CHMP4C: variants seen among roughly 807,000 people sequenced by gnomAD.
CHMP4C encodes charged multivesicular body protein 4C.
A neutral mutation model predicts 29.0 loss-of-function variants in CHMP4C; 28 were observed. That is an observed-to-expected ratio of 0.97 (90% confidence interval 0.72 to 1.32). CHMP4C has a LOEUF of 1.32. Among genes scored for constraint, CHMP4C ranks in the 40% most tolerant of loss-of-function variants. CHMP4C has a pLI of 0.00. For missense variants in CHMP4C, 291 were observed against 281.0 expected, an observed-to-expected ratio of 1.04 and a Z score of -0.25; for synonymous variants, 106 against 102.4, an observed-to-expected ratio of 1.04 and a Z score of -0.21.
intron 1 of CHMP4C, among the ~76,000 whole-genome samples, chr8:81,740,209 G>C (rs952775209): frequency 6.6e-6 from 1 of 152,184 alleles, no homozygotes; most frequent in African/African-American, 2.4e-5. Context: ...TGTTTCATCC[G>C]CTGAGGCGGC....
chr8:81,755,285 G>C (rs1013910969), intron 2 of CHMP4C, 85 bp from the exon 3 acceptor site: 8 of 587,242 alleles, frequency 1.4e-5, no homozygotes, highest in Non-Finnish European at 2.0e-5. Flanking sequence ...TATATTAAAT[G>C]AACTGACTTT....
intron 1 of CHMP4C, among the ~76,000 whole-genome samples, chr8:81,750,621 A>G (rs1042033796): frequency 1.3e-5 from 2 of 152,044 alleles, no homozygotes; most frequent in African/African-American, 2.4e-5. Context: ...AAAAATATAT[A>G]GGACAAAGCC....
At chr8:81,753,505 A>G (rs1808934983) in intron 2 of CHMP4C, among the ~76,000 whole-genome samples, 1 of 152,176 alleles carries the variant, frequency 6.6e-6, no homozygotes, top group Admixed American at 6.6e-5. Flanking sequence ...AAATATTTTA[A>G]TTCTACAGTT....
At chr8:81,750,123 A>G (rs893494224) in intron 1 of CHMP4C, among the ~76,000 whole-genome samples, 4 of 152,320 alleles carry the variant, frequency 2.6e-5, no homozygotes, top group Non-Finnish European at 5.9e-5. Context: ...GAGATTAAAG[A>G]GGCTATTACA....
At chr8:81,749,647 A>G (rs904492392) in intron 1 of CHMP4C, among the ~76,000 whole-genome samples, 1 of 152,190 alleles carries the variant, frequency 6.6e-6, no homozygotes, top group Non-Finnish European at 1.5e-5. Flanking sequence ...AAACCACTTA[A>G]TACCTGTGTG....
chr8:81,740,399 C>G (rs1196013645), intron 1 of CHMP4C, among the ~76,000 whole-genome samples: 1 of 152,216 alleles, frequency 6.6e-6, no homozygotes, highest in Non-Finnish European at 1.5e-5. Context: ...CAATAGGTTT[C>G]TCGCTCCTAT....
intron 3 of CHMP4C, among the ~76,000 whole-genome samples, chr8:81,757,693 C>T (rs1210819081): frequency 3.3e-5 from 5 of 152,278 alleles, no homozygotes; most frequent in African/African-American, 9.6e-5. Flanking sequence ...ACCATAGTAT[C>T]TTTAATTCCT....
In CHMP4C at chr8:81,759,256, A is replaced by G. The variant is rs548208209; in HGVS notation, c.*712A>G. ...TACCAATTAAGCTTGGAATGGGGCA[A>G]TGGATGCATTTCCCAAAACGTGTGA... On this transcript the variant is annotated 3_prime_UTR_variant, in exon 5 of 5. Coordinates refer to ENST00000297265, the MANE Select transcript of CHMP4C (RefSeq NM_152284.4). 1 of 152,650 alleles carries G rather than the reference A, an allele frequency of 6.6e-6. No homozygotes were observed. Among genetic ancestry groups the G allele is most frequent in the East Asian group, 1.9e-4 (1 of 5,166 alleles). 9.5% of individuals were successfully genotyped at this position (152,650 alleles called of 1,614,324 possible).
chr8:81,735,901 A>G (rs1808682374), intron 1 of CHMP4C, among the ~76,000 whole-genome samples: 1 of 152,020 alleles, frequency 6.6e-6, no homozygotes, highest in Admixed American at 6.6e-5. Flanking sequence ...AGGCTGGCCA[A>G]CATGGTGAAA....
At chr8:81,752,488 A>G (rs4537255) in intron 1 of CHMP4C, among the ~76,000 whole-genome samples, 100,007 of 151,970 alleles carry the variant, frequency 0.66, 33,022 homozygotes, top group Admixed American at 0.71. Flanking sequence ...ATACAACTCT[A>G]GCAGTGCTGA....
At chr8:81,751,692 A>T (rs1039652988) in intron 1 of CHMP4C, among the ~76,000 whole-genome samples, 3 of 152,150 alleles carry the variant, frequency 2.0e-5, no homozygotes, top group African/African-American at 7.2e-5. Context: ...CACAAAAAAG[A>T]TGACAATAAA....
At chr8:81,741,065 A>G (rs1808756977) in intron 1 of CHMP4C, among the ~76,000 whole-genome samples, 1 of 152,136 alleles carries the variant, frequency 6.6e-6, no homozygotes, top group Non-Finnish European at 1.5e-5. Context: ...TTTGTTCTAG[A>G]ATTTTGCTTT....
chr8:81,758,324 T>G lies in CHMP4C; in HGVS notation c.637+29T>G, dbSNP rs1808998086. ...TGTTACCCAGCTCAACTACATGTGG[T>G]CAGATAGTTGCCTAAAATGATAGCC... On this transcript the variant is annotated intron_variant, in intron 4 of 4. Coordinates refer to ENST00000297265, the MANE Select transcript of CHMP4C (RefSeq NM_152284.4). The G allele has an allele frequency of 5.6e-6, 9 of 1,610,554 alleles. No individual in the cohort carries two copies. The East Asian group carries it at 8.9e-5, about 16-fold the overall frequency.
At chr8:81,740,775 T>G (rs1005902697) in intron 1 of CHMP4C, among the ~76,000 whole-genome samples, 1 of 152,232 alleles carries the variant, frequency 6.6e-6, no homozygotes, top group South Asian at 2.1e-4. Flanking sequence ...CGTGTTACCT[T>G]CATCAGATTC....
chr8:81,749,067 C>T (rs202204206), intron 1 of CHMP4C, among the ~76,000 whole-genome samples: 2 of 152,004 alleles, frequency 1.3e-5, no homozygotes, highest in East Asian at 1.9e-4. Flanking sequence ...CTTATAATCA[C>T]GCAGCCTGAT....
rs773179472 is a variant in CHMP4C at position 81,732,752 on chromosome 8, C to T, written c.126C>T (p.Tyr42=). Residue 42 remains tyrosine (Y), a synonymous_variant, in exon 1 of 5, where the codon TAC becomes TAT. Transcript: ENST00000297265. The part of the protein sequence containing the change: ...TEEMLGKKQE[Y]LENRIQREIA... ...AGATGCTGGGCAAGAAACAAGAGTA[C>T]CTGGAAAATCGAATCCAGAGAGAAA... The T allele has an allele frequency of 6.2e-7, 1 of 1,610,200 alleles. No individual in the cohort carries two copies. Among genetic ancestry groups the T allele is most frequent in the African/African-American group, 1.3e-5 (1 of 74,898 alleles).
rs79561719 is a variant in CHMP4C at position 81,732,533 on chromosome 8, C to G, written c.-94C>G. 32,194 of 910,438 alleles carry G rather than the reference C, an allele frequency of 0.035. 752 individuals carry two copies. The highest frequency in any genetic ancestry group is 0.081 in the South Asian group (4,372 of 54,012). The allele number at this position is 910,438 out of a possible 1,614,324, so 56.4% of individuals were successfully genotyped here. ...GGGCCGCCTTTCCGGTCTGGGTCCC[C>G]GAGAGGACTGCCTTGCTCACCTGTC... On this transcript the variant is annotated 5_prime_UTR_variant, in exon 1 of 5. Transcript: ENST00000297265.
intron 1 of CHMP4C, among the ~76,000 whole-genome samples, chr8:81,746,165 G>A (rs1036101364): frequency 2.0e-5 from 3 of 152,174 alleles, no homozygotes; most frequent in Admixed American, 2.0e-4. Flanking sequence ...GAAGCTTAAC[G>A]TGCCAGGCAG....
At chr8:81,756,499 C>T (rs919508463) in intron 3 of CHMP4C, among the ~76,000 whole-genome samples, 1 of 152,130 alleles carries the variant, frequency 6.6e-6, no homozygotes, top group Non-Finnish European at 1.5e-5. Context: ...CATCTGGGCT[C>T]TATCATTTGT....
Sources: gnomAD v4.1 joint callset for allele counts (sites outside exome capture counted in the v4.1 genomes callset) on GRCh38, gnomAD v4.1.1 for gene constraint, MANE v1.5 for transcripts, NCBI Gene and HGNC (gene_info 2026-07-23, HGNC 2026-07-21) for gene names.